The following PUM2 variants were observed in gnomAD, a reference collection of about 807,000 sequenced individuals.
PUM2 encodes the protein pumilio homolog 2.
In PUM2, 57 loss-of-function variants were observed where a neutral mutation model predicts 124.5. The observed-to-expected ratio is 0.46, with a 90% CI of 0.37 to 0.57. The LOEUF (loss-of-function observed/expected upper bound fraction) is 0.57. Among genes scored for constraint, PUM2 ranks in the 20% least tolerant of loss-of-function variants. The pLI, the probability that PUM2 is intolerant of heterozygous loss-of-function variation, is 0.00. For missense variants in PUM2, 1,065 were observed against 1,290.6 expected (o/e 0.83, Z 2.68); for synonymous variants, 460 against 446.1 (o/e 1.03, Z -0.39).
intron 1 of PUM2, among the ~76,000 whole-genome samples, chr2:20,337,882 C>T (rs2149026942): frequency 6.6e-6 from 1 of 152,246 alleles, no homozygotes; most frequent in East Asian, 1.9e-4. Context: ...CCATTTTATG[C>T]CACAGATTAT....
intron 19 of PUM2, 74 bp downstream of exon 19, chr2:20,254,789 G>C (rs539081241): frequency 4.8e-6 from 7 of 1,454,702 alleles, no homozygotes; most frequent in Non-Finnish European, 5.7e-6. Flanking sequence ...CATGCTACAC[G>C]TATTTCTGTG....
At chr2:20,333,991 T>C (rs1343783790) in intron 1 of PUM2, among the ~76,000 whole-genome samples, 2 of 152,188 alleles carry the variant, frequency 1.3e-5, no homozygotes, top group African/African-American at 4.8e-5. Flanking sequence ...TCACTTCACC[T>C]TCTGTCATGA....
Position 20,283,105 on chromosome 2 carries a change from T to C in PUM2, c.1562A>G (p.Asn521Ser), listed in dbSNP as rs368456438. Reference protein sequence around the residue: ...QQQPSTNLQSNSFYGSSSLTN... With the variant: ...QQQPSTNLQSSSFYGSSSLTN... Reference sequence around the variant, plus strand: ...CAAAGAACTGCTTCCATAAAATGAATTAGATTGCAGATTAGTGCTTGGCTG... The same window carrying C: ...CAAAGAACTGCTTCCATAAAATGAACTAGATTGCAGATTAGTGCTTGGCTG... The change falls in exon 12 of 21, where the codon AAT (asparagine) becomes AGT (serine). Residue 521 changes from asparagine to serine, a missense_variant. Physicochemically the swap from Asn to Ser is conservative, Grantham distance 46 (BLOSUM62 1). Around this residue, in one of 3 missense-constraint regions of PUM2, gnomAD observed 968 missense variants for 1,159.8 expected, o/e 0.83. Coordinates refer to ENST00000361078, the MANE Select transcript of PUM2 (RefSeq NM_015317.5). 8.7e-5 allele frequency: 141 copies of C among 1,613,928 alleles called. No individual in the cohort carries two copies. Among genetic ancestry groups the C allele is most frequent in the Non-Finnish European group, 1.1e-4 (135 of 1,180,008 alleles).
At chr2:20,294,554 C>A (rs377448125) in intron 8 of PUM2, 36 bp from the exon 9 acceptor site, 1 of 1,559,398 alleles carries the variant, frequency 6.4e-7, no homozygotes, top group Admixed American at 2.0e-5. Context: ...TAAAAAGTTA[C>A]TAGATTTTAC....
At chr2:20,269,639 C>T (rs1273268225) in intron 13 of PUM2, among the ~76,000 whole-genome samples, 3 of 152,138 alleles carry the variant, frequency 2.0e-5, no homozygotes, top group East Asian at 3.9e-4. Flanking sequence ...AAAATACACA[C>T]ATGTCAAACG....
chr2:20,350,849 C>G (rs540253691), upstream of PUM2: 9 of 962,308 alleles, frequency 9.4e-6, no homozygotes, highest in South Asian at 2.4e-4. Flanking sequence ...TCCCCTCCCC[C>G]CCGCCCACCG....
intron 9 of PUM2, among the ~76,000 whole-genome samples, chr2:20,291,803 C>A (rs193007278): frequency 2.5e-4 from 38 of 152,170 alleles, no homozygotes; most frequent in African/African-American, 9.2e-4. Context: ...CTTTCAGTTA[C>A]CTTTGATAAA....
intron 2 of PUM2, among the ~76,000 whole-genome samples, chr2:20,324,617 T>C (rs1002491373): frequency 6.6e-6 from 1 of 152,174 alleles, no homozygotes; most frequent in Non-Finnish European, 1.5e-5. Context: ...CAATCTCCTA[T>C]AGATTAGTTT....
In PUM2 at chr2:20,278,736, G is replaced by A. The variant is rs752417255; in HGVS notation, c.1804C>T (p.Leu602=). ...SDLYKRSSSS[L]APIGQPFYNS... The stretch of plus-strand genomic sequence containing the variant: ...TAAAATGGTTGCCCTATGGGTGCTA[G>A]GCTGCTACTAGATCTTTTGTACAAG... The change falls in exon 13 of 21, where the codon CTA becomes TTA. Residue 602 remains leucine, a synonymous_variant. Transcript: ENST00000361078. 6.2e-7 allele frequency: 1 copy of A among 1,613,532 alleles called. No individual in the cohort carries two copies. Among genetic ancestry groups the A allele is most frequent in the Non-Finnish European group, 8.5e-7 (1 of 1,179,712 alleles).
At chr2:20,345,171 C>G (rs1177828011) in intron 1 of PUM2, among the ~76,000 whole-genome samples, 1 of 150,594 alleles carries the variant, frequency 6.6e-6, no homozygotes, top group East Asian at 2.0e-4. Context: ...ACGATCACAA[C>G]TCACTGCAGC....
chr2:20,283,991 G>A (rs1672149624), intron 10 of PUM2, among the ~76,000 whole-genome samples: 1 of 152,160 alleles, frequency 6.6e-6, no homozygotes, highest in African/African-American at 2.4e-5. Flanking sequence ...TCTCAAGCTA[G>A]AGTTTAATTA....
intron 20 of PUM2, 64 bp downstream of exon 20, chr2:20,253,755 AAGG>A: frequency 1.4e-6 from 2 of 1,382,042 alleles, no homozygotes; most frequent in South Asian, 3.0e-5. Flanking sequence ...ATGAAAGCCC[AAGG>A]AGGTTAAATG....
intron 1 of PUM2, among the ~76,000 whole-genome samples, chr2:20,332,750 G>C (rs1401373094): frequency 6.6e-6 from 1 of 152,120 alleles, no homozygotes; most frequent in Non-Finnish European, 1.5e-5. Context: ...TTATCCGAAT[G>C]ATTAAATCTT....
intron 1 of PUM2, among the ~76,000 whole-genome samples, chr2:20,335,590 G>C (rs1029935938): frequency 2.0e-5 from 3 of 152,156 alleles, no homozygotes; most frequent in African/African-American, 7.2e-5. Context: ...TCAACAGTCT[G>C]TTTTCTAGTT....
chr2:20,269,334 G>A (rs1050358793), intron 13 of PUM2, among the ~76,000 whole-genome samples: 6 of 152,024 alleles, frequency 3.9e-5, no homozygotes, highest in African/African-American at 1.4e-4. Context: ...CCGAGTAGCT[G>A]GGACTACAGG....
chr2:20,260,751 AT>A (rs1665995566), intron 14 of PUM2, among the ~76,000 whole-genome samples: 1 of 152,172 alleles, frequency 6.6e-6, no homozygotes, highest in South Asian at 2.1e-4. Flanking sequence ...TTTGCTGCTT[AT>A]TCATTTATTT....
chr2:20,308,726 A>G, intron 5 of PUM2, 142 bp from the exon 6 acceptor site: 1 of 725,464 alleles, frequency 1.4e-6, no homozygotes, highest in Non-Finnish European at 2.1e-6. Context: ...ACCTTATCAC[A>G]TTTTTTTCTA....
At chr2:20,349,798 T>C (rs1364724195) in intron 1 of PUM2, among the ~76,000 whole-genome samples, 1 of 152,262 alleles carries the variant, frequency 6.6e-6, no homozygotes, top group African/African-American at 2.4e-5. Flanking sequence ...AGTCCTAACA[T>C]GATGTCTTAT....
chr2:20,321,821 A>G (rs1454750985), intron 2 of PUM2, among the ~76,000 whole-genome samples: 1 of 152,158 alleles, frequency 6.6e-6, no homozygotes, highest in African/African-American at 2.4e-5. Context: ...CCTACTTCAC[A>G]AACTCTAAAA....
Sources: gnomAD v4.1 joint callset for allele counts (sites outside exome capture counted in the v4.1 genomes callset) on GRCh38, gnomAD v4.1.1 for gene constraint, gnomAD v4.1.1 regional missense constraint, MANE v1.5 for transcripts, NCBI Gene and HGNC (gene_info 2026-07-23, HGNC 2026-07-21) for gene names.